The following TET1 variants were observed in gnomAD, a reference collection of about 807,000 sequenced individuals.
TET1 encodes the protein methylcytosine dioxygenase TET1.
TET1 carries 13 observed loss-of-function variants against 148.7 expected under a neutral mutation model. The observed-to-expected ratio is 0.09, with a 90% CI of 0.06 to 0.14. TET1 has a LOEUF of 0.14. TET1 is among the 10% of genes least tolerant of loss of function. TET1 has a pLI of 1.00. For missense variants in TET1, 2,182 were observed against 2,553.8 expected, an observed-to-expected ratio of 0.85 and a Z score of 3.14; for synonymous variants, 907 against 937.2, an observed-to-expected ratio of 0.97 and a Z score of 0.59.
intron 2 of TET1, among the ~76,000 whole-genome samples, chr10:68,595,194 T>A (rs1432200618): frequency 6.6e-6 from 1 of 152,046 alleles, no homozygotes; most frequent in Non-Finnish European, 1.5e-5. Context: ...GACATTCTTT[T>A]CTTATTCCTT....
chr10:68,643,741 A>G (rs1045341321), intron 3 of TET1, among the ~76,000 whole-genome samples: 2 of 151,882 alleles, frequency 1.3e-5, no homozygotes, highest in Non-Finnish European at 2.9e-5. Context: ...CGAACCCGGG[A>G]GGCAGAGGTT....
At chr10:68,668,708 T>C (rs990059928) in intron 7 of TET1, among the ~76,000 whole-genome samples, 2 of 152,122 alleles carry the variant, frequency 1.3e-5, no homozygotes, top group Non-Finnish European at 2.9e-5. Context: ...GCCTCCTGAG[T>C]AGCTGGGACT....
chr10:68,567,552 C>T (rs2053620889), intron 1 of TET1, among the ~76,000 whole-genome samples: 3 of 151,964 alleles, frequency 2.0e-5, no homozygotes, highest in Admixed American at 2.0e-4. Context: ...TCTCCGCCTC[C>T]AATAGTGCTG....
At chr10:68,608,339 G>A (rs1171630493) in intron 3 of TET1, among the ~76,000 whole-genome samples, 1 of 152,088 alleles carries the variant, frequency 6.6e-6, no homozygotes, top group Non-Finnish European at 1.5e-5. Flanking sequence ...AGGTTCAAGC[G>A]ATTCTCCTAC....
chr10:68,691,254 G>A lies in TET1; in HGVS notation c.5851G>A (p.Asp1951Asn). 6.2e-7 allele frequency: 1 copy of A among 1,614,062 alleles called. No homozygotes were observed. The highest frequency in any genetic ancestry group is 8.5e-7 in the Non-Finnish European group (1 of 1,180,024). Residue 1951 changes from aspartate (D) to asparagine (N), a missense_variant, in exon 12 of 12, where the codon GAC becomes AAC. This residue lies in a region of TET1 where 380 missense variants were observed against 387.9 expected (regional missense o/e 0.98). Transcript: ENST00000373644. The surrounding 1 kb of genome is among the most constrained non-coding windows in gnomAD (Gnocchi z 4.4). ...GCCCTCCTTCCTCACCTCTCCTCAAGACCTTGCCTCTTCTCCAATGGAAGA... is the reference window on the plus strand; with the variant it reads ...GCCCTCCTTCCTCACCTCTCCTCAAAACCTTGCCTCTTCTCCAATGGAAGA... ...HQPSFLTSPQ[D>N]LASSPMEEDE...
chr10:68,618,847 A>G (rs1466132095), intron 3 of TET1, among the ~76,000 whole-genome samples: 2 of 152,190 alleles, frequency 1.3e-5, no homozygotes, highest in East Asian at 3.9e-4. Context: ...AAATGGTGTC[A>G]TCTCAGCACT....
intron 3 of TET1, among the ~76,000 whole-genome samples, chr10:68,626,613 T>C (rs2054486363): frequency 6.6e-6 from 1 of 152,032 alleles, no homozygotes. Flanking sequence ...TGCAGTGGCA[T>C]GATCTCAGCT....
At chr10:68,608,344 T>G (rs1444650478) in intron 3 of TET1, among the ~76,000 whole-genome samples, 1 of 152,136 alleles carries the variant, frequency 6.6e-6, no homozygotes, top group Non-Finnish European at 1.5e-5. Context: ...CAAGCGATTC[T>G]CCTACCTCAA....
At chr10:68,595,959 TATACACAC>T (rs1366269286) in intron 2 of TET1, among the ~76,000 whole-genome samples, 69 of 37,656 alleles carry the variant, frequency 1.8e-3, no homozygotes, top group South Asian at 2.6e-3. Context: ...TATATATATA[TATACACAC>T]ACACACACAC....
rs2133684721 is a variant in TET1, at chr10:68,572,561, A to G, written c.223A>G (p.Thr75Ala). Residue 75 changes from threonine to alanine, a missense_variant, in exon 2 of 12, where the codon ACA becomes GCA. Coordinates refer to ENST00000373644, the MANE Select transcript of TET1 (RefSeq NM_030625.3). ...ACCCGTGCCAGTCAGAAGCCTTCTG[A>G]CAAGAGCTGGAGCAGCACGCATGAA... ...KPPVPVRSLL[T>A]RAGAARMNLD... 2 of 1,614,178 alleles carry G rather than the reference A, an allele frequency of 1.2e-6. No homozygotes were observed. The highest frequency in any genetic ancestry group is 1.7e-6 in the Non-Finnish European group (2 of 1,180,012).
intron 6 of TET1, among the ~76,000 whole-genome samples, chr10:68,661,674 G>A (rs369879326): frequency 2.3e-4 from 35 of 151,714 alleles, no homozygotes; most frequent in South Asian, 1.0e-3. Flanking sequence ...TTGTAGAGAC[G>A]GGGTCTCATT....
intron 3 of TET1, among the ~76,000 whole-genome samples, chr10:68,616,691 A>G (rs1416538502): frequency 3.9e-5 from 6 of 151,994 alleles, no homozygotes; most frequent in Non-Finnish European, 2.9e-5. Flanking sequence ...GCATGTAAGT[A>G]TGCCCAGATA....
intron 6 of TET1, among the ~76,000 whole-genome samples, chr10:68,660,701 C>T (rs2055095665): frequency 6.6e-6 from 1 of 151,522 alleles, no homozygotes; most frequent in Admixed American, 6.6e-5. Context: ...ACTCTTGTCG[C>T]CCAGGCTGGA....
intron 7 of TET1, among the ~76,000 whole-genome samples, chr10:68,668,652 T>C (rs1036020789): frequency 6.6e-6 from 1 of 152,206 alleles, no homozygotes; most frequent in Non-Finnish European, 1.5e-5. Flanking sequence ...CAATCTTGGC[T>C]CACTGCAATG....
chr10:68,642,148 C>G lies in TET1; in HGVS notation c.1969-2550C>G, dbSNP rs189141749. 3.6e-3 allele frequency among the ~76,000 whole-genome samples: 546 copies of G among 152,274 alleles called. 1 individual carries two copies. The highest frequency in any genetic ancestry group is 0.012 in the African/African-American group (517 of 41,554). On this transcript the variant is annotated intron_variant, in intron 3 of 11. Transcript: ENST00000373644. The stretch of plus-strand genomic sequence containing the variant: ...CTGTGGTATGTCTGATGAGCTGTTT[C>G]AAGGTTTTACAAAATTAGTCTGTAG...
rs1372172961 is a variant in TET1 at position 68,589,350 on chromosome 10, T to G, written c.1915-11631T>G. On this transcript the variant is annotated intron_variant, in intron 2 of 11. Transcript: ENST00000373644. ...TGAAAGTTTCTTATTCTCTTTTACT[T>G]AATAAGTGTAAGGTTATATTATGAT... 2.0e-5 allele frequency among the ~76,000 whole-genome samples: 3 copies of G among 152,174 alleles called. No individual in the cohort carries two copies. In the East Asian group the frequency reaches 5.8e-4, roughly 29 times the overall value.
intron 3 of TET1, among the ~76,000 whole-genome samples, chr10:68,612,722 A>T (rs190078836): frequency 1.3e-5 from 2 of 152,040 alleles, no homozygotes; most frequent in African/African-American, 4.8e-5. Flanking sequence ...GGCTCAAGCG[A>T]TCCTCCCACC....
intron 1 of TET1, among the ~76,000 whole-genome samples, chr10:68,565,463 T>C (rs966687247): frequency 7.2e-5 from 1 of 13,794 alleles, no homozygotes; most frequent in Non-Finnish European, 2.0e-4. Flanking sequence ...AAGACCCTGT[T>C]TAAAAAAAAA....
At chr10:68,643,067 TG>T (rs1564986880) in intron 3 of TET1, among the ~76,000 whole-genome samples, 1 of 151,936 alleles carries the variant, frequency 6.6e-6, no homozygotes, top group Non-Finnish European at 1.5e-5. Context: ...GAGACCAGCC[TG>T]GGCAACATGG....
Sources: gnomAD v4.1 joint callset for allele counts (sites outside exome capture counted in the v4.1 genomes callset) on GRCh38, gnomAD v4.1.1 for gene constraint, gnomAD v4.1.1 regional missense constraint, Gnocchi (gnomAD v3.1) non-coding constraint, MANE v1.5 for transcripts, NCBI Gene and HGNC (gene_info 2026-07-23, HGNC 2026-07-21) for gene names.